Variants in SIL1 observed in about 807,000 individuals in gnomAD.
SIL1 encodes the protein SIL1 nucleotide exchange factor, also known as nucleotide exchange factor SIL1.
A neutral mutation model predicts 49.1 loss-of-function variants in SIL1; 40 were observed. That is an observed-to-expected ratio of 0.81 (90% CI 0.63 to 1.06). The LOEUF (loss-of-function observed/expected upper bound fraction) is 1.06, where lower values mean the gene tolerates loss of function less well. Among genes scored for constraint, SIL1 ranks in the 50% least tolerant of loss-of-function variants. The probability of loss-of-function intolerance (pLI) is 0.00; values close to 1 mark genes in which losing one functional copy is unlikely to be tolerated. For synonymous variants in SIL1, 253 were observed against 250.8 expected, an observed-to-expected ratio of 1.01 and a Z score of -0.08; for missense variants, 500 against 572.6, an observed-to-expected ratio of 0.87 and a Z score of 1.29.
At chr5:139,153,881 C>T (rs1056369528) in intron 1 of SIL1, among the ~76,000 whole-genome samples, 1 of 152,212 alleles carries the variant, frequency 6.6e-6, no homozygotes, top group African/African-American at 2.4e-5. Flanking sequence ...AAGCTAACTA[C>T]ACACTGTCCT....
rs777092280 is a variant in SIL1 at position 138,947,299 on chromosome 5, C to G, written c.1204G>C (p.Gly402Arg). 1 of 1,613,530 alleles carries G rather than the reference C, an allele frequency of 6.2e-7. No homozygotes were observed. The highest frequency in any genetic ancestry group is 2.2e-5 in the East Asian group (1 of 44,880). Residue 402 changes from glycine to arginine, a missense_variant, in exon 10 of 10, where the codon GGC (glycine) becomes CGC (arginine). Coordinates refer to ENST00000394817, the MANE Select transcript of SIL1 (RefSeq NM_022464.5). This position sits in a 1 kb window ranked among gnomAD's most constrained non-coding sequence, Gnocchi z 4.1. ...TCCCGGCAGGTGGTCAGGAGGACGC[C>G]CAGTGTCTGCAGCACCTTCTCACGG... ...DAREKVLQTL[G>R]VLLTTCRDRY...
chr5:139,184,301 C>A (rs182543803), intron 1 of SIL1, among the ~76,000 whole-genome samples: 22 of 152,284 alleles, frequency 1.4e-4, no homozygotes, highest in African/African-American at 4.8e-4. Flanking sequence ...TTAGTCACAG[C>A]CCTACTCTGG....
chr5:139,185,892 G>T (rs932512020), intron 1 of SIL1, among the ~76,000 whole-genome samples: 2 of 152,246 alleles, frequency 1.3e-5, no homozygotes, highest in Non-Finnish European at 2.9e-5. Flanking sequence ...AGGTTCCATG[G>T]AGATGCAGAC....
chr5:139,006,679 G>A (rs1768125384), intron 7 of SIL1, among the ~76,000 whole-genome samples: 1 of 150,086 alleles, frequency 6.7e-6, no homozygotes, highest in African/African-American at 2.4e-5. Flanking sequence ...TCTACATATG[G>A]CTAGCCAGTT....
At chr5:139,001,589 G>C (rs1485325253) in intron 7 of SIL1, among the ~76,000 whole-genome samples, 1 of 152,142 alleles carries the variant, frequency 6.6e-6, no homozygotes, top group Admixed American at 6.6e-5. Flanking sequence ...AATGAAGACA[G>C]ATATATATGA....
chr5:138,995,250 C>CTTT (rs55923125), intron 7 of SIL1, among the ~76,000 whole-genome samples: 6 of 146,010 alleles, frequency 4.1e-5, no homozygotes, highest in Non-Finnish European at 9.0e-5. Context: ...AAATATTCAT[C>CTTT]TTTTTTTTTT....
intron 7 of SIL1, among the ~76,000 whole-genome samples, chr5:138,990,190 G>T (rs1336849529): frequency 2.6e-5 from 4 of 152,132 alleles, no homozygotes; most frequent in Admixed American, 2.0e-4. Context: ...TTACCCAAGA[G>T]TTTTCCATCT....
intron 7 of SIL1, among the ~76,000 whole-genome samples, chr5:138,997,836 G>C (rs1767903811): frequency 6.6e-6 from 1 of 152,212 alleles, no homozygotes; most frequent in African/African-American, 2.4e-5. Context: ...TGGGATTACA[G>C]GCATAAGCCA....
chr5:138,993,736 C>T (rs893350428), intron 7 of SIL1, among the ~76,000 whole-genome samples: 3 of 152,166 alleles, frequency 2.0e-5, no homozygotes, highest in Non-Finnish European at 2.9e-5. Flanking sequence ...AATCTGACAG[C>T]CTGCAAAGAA....
chr5:139,181,150 G>A (rs1052057618), intron 1 of SIL1, among the ~76,000 whole-genome samples: 24 of 152,106 alleles, frequency 1.6e-4, no homozygotes, highest in African/African-American at 5.8e-4. Context: ...CAGTACATAA[G>A]CAATAATTAT....
chr5:139,106,229 C>A lies in SIL1; in HGVS notation c.244+14806G>T, dbSNP rs1030418288. On this transcript the variant is annotated intron_variant, in intron 3 of 9. Transcript: ENST00000394817. Reference sequence around the variant, plus strand: ...AAGGTCTGTCCACTTCAAGCCTCTGCATTCACAAGGTTTTGGGGCCACTGG... The same window carrying A: ...AAGGTCTGTCCACTTCAAGCCTCTGAATTCACAAGGTTTTGGGGCCACTGG... Among the ~76,000 whole-genome samples the A allele has an allele frequency of 2.6e-5, 4 of 152,248 alleles. No homozygotes were observed. The South Asian group carries it at 6.2e-4, about 24-fold the overall frequency.
intron 1 of SIL1, among the ~76,000 whole-genome samples, chr5:139,173,082 C>G (rs1751807351): frequency 6.6e-6 from 1 of 152,040 alleles, no homozygotes; most frequent in Admixed American, 6.6e-5. Flanking sequence ...GTGTAAGATG[C>G]AATATCATGA....
chr5:139,104,635 C>T (rs1022239263), intron 3 of SIL1, among the ~76,000 whole-genome samples: 5 of 152,202 alleles, frequency 3.3e-5, no homozygotes, highest in Middle Eastern at 3.2e-3. Context: ...GAGGCCTCAA[C>T]GACCCTGACA....
At chr5:138,951,969 C>T (rs1766791176) in intron 7 of SIL1, 85 bp from the exon 8 acceptor site, 3 of 1,212,316 alleles carry the variant, frequency 2.5e-6, no homozygotes, top group Admixed American at 1.7e-5. Context: ...GTCAGCCATC[C>T]CTGGGGAGAA....
At position 139,128,726 on chromosome 5, in the gene SIL1, G is replaced by T. The variant is rs189781063; in HGVS notation, c.-10-873C>A. ...GTTCATGAATTAGAGACTTCATACT[G>T]TTAACAACAGTACTACCCAAAGCAA... On this transcript the variant is annotated intron_variant, in intron 1 of 9. Coordinates refer to ENST00000394817, the MANE Select transcript of SIL1 (RefSeq NM_022464.5). Among the ~76,000 whole-genome samples, 30 of 152,088 alleles carry T rather than the reference G, an allele frequency of 2.0e-4. No individual in the cohort carries two copies. The East Asian group carries it at 2.5e-3, about 13-fold the overall frequency.
chr5:139,051,024 G>A lies in SIL1; in HGVS notation c.267C>T (p.Ser89=). The A allele has an allele frequency of 6.2e-7, 1 of 1,614,124 alleles. No individual in the cohort carries two copies. Among genetic ancestry groups the A allele is most frequent in the South Asian group, 1.1e-5 (1 of 91,078 alleles). The change falls in exon 4 of 10, where the codon TCC becomes TCT. Residue 89 remains serine (S), a synonymous_variant. Coordinates refer to ENST00000394817, the MANE Select transcript of SIL1 (RefSeq NM_022464.5). ...CAGTCTGAAGATTCAGCCGTACGTG[G>A]GATCCTGCAGGGACAGCCTGCCCTA... ...LQPGQAVPAG[S]HVRLNLQTGE...
rs77617444 is a variant in SIL1 at position 139,146,187 on chromosome 5, T to C, written c.-10-18334A>G. Among the ~76,000 whole-genome samples, 1,060 of 152,292 alleles carry C rather than the reference T, an allele frequency of 7.0e-3. 9 individuals carry two copies. Among genetic ancestry groups the C allele is most frequent in the African/African-American group, 0.024 (1,016 of 41,568 alleles). On this transcript the variant is annotated intron_variant, in intron 1 of 9. Transcript: ENST00000394817. ...ATCATACTAAAAAATTAAAAAACAATGTAAGATTGCCCATGAGTTAGAAAT... is the reference window on the plus strand; with the variant it reads ...ATCATACTAAAAAATTAAAAAACAACGTAAGATTGCCCATGAGTTAGAAAT...
chr5:138,979,140 C>T (rs1399141472), intron 7 of SIL1, among the ~76,000 whole-genome samples: 3 of 151,804 alleles, frequency 2.0e-5, no homozygotes, highest in Admixed American at 1.3e-4. Flanking sequence ...TCTCGGCTCA[C>T]TGAAACCTCT....
chr5:139,024,353 AT>A (rs1040459757), intron 6 of SIL1, among the ~76,000 whole-genome samples: 2 of 152,120 alleles, frequency 1.3e-5, no homozygotes, highest in African/African-American at 4.8e-5. Flanking sequence ...ACCGAGGTTC[AT>A]TTTTTTTCTC....
Sources: gnomAD v4.1 joint callset for allele counts (sites outside exome capture counted in the v4.1 genomes callset) on GRCh38, gnomAD v4.1.1 for gene constraint, Gnocchi (gnomAD v3.1) non-coding constraint, MANE v1.5 for transcripts, NCBI Gene and HGNC (gene_info 2026-07-23, HGNC 2026-07-21) for gene names.